GABRB1: variants seen among roughly 807,000 people sequenced by gnomAD.
GABRB1 encodes the protein gamma-aminobutyric acid type A receptor subunit beta1, also known as gamma-aminobutyric acid receptor subunit beta-1.
In GABRB1, 17 loss-of-function variants were observed where a neutral mutation model predicts 51.6. The ratio of observed to expected loss-of-function variants is 0.33; its 90% CI spans 0.23 to 0.49. GABRB1 has a LOEUF of 0.49. GABRB1 is among the 20% of genes least tolerant of loss of function. The probability of loss-of-function intolerance (pLI) is 0.99; values close to 1 mark genes in which losing one functional copy is unlikely to be tolerated. For missense variants in GABRB1, 410 were observed against 600.6 expected (o/e 0.68, Z 3.32); for synonymous variants, 247 against 218.9 (o/e 1.13, Z -1.14).
chr4:47,166,966 T>C (rs1221051815), intron 4 of GABRB1, among the ~76,000 whole-genome samples: 1 of 152,142 alleles, frequency 6.6e-6, no homozygotes, highest in Admixed American at 6.6e-5. Context: ...TCTTACAAAT[T>C]GAAATTCATA....
intron 3 of GABRB1, among the ~76,000 whole-genome samples, chr4:47,156,688 G>A (rs1717717650): frequency 6.6e-6 from 1 of 151,946 alleles, no homozygotes; most frequent in African/African-American, 2.4e-5. Context: ...TTGTTTTGGG[G>A]ACAGGCGCAG....
At chr4:47,377,336 G>C (rs1727418914) in intron 5 of GABRB1, among the ~76,000 whole-genome samples, 1 of 151,886 alleles carries the variant, frequency 6.6e-6, no homozygotes, top group South Asian at 2.1e-4. Flanking sequence ...TGAAGCCGTG[G>C]ACCCTCGCCG....
At chr4:47,040,239 A>G (rs913760581) in intron 3 of GABRB1, among the ~76,000 whole-genome samples, 1 of 152,216 alleles carries the variant, frequency 6.6e-6, no homozygotes, top group South Asian at 2.1e-4. Context: ...CAAAGTGTTT[A>G]AAGGCAACTG....
At chr4:47,183,202 A>C (rs1028468769) in intron 4 of GABRB1, among the ~76,000 whole-genome samples, 1 of 151,494 alleles carries the variant, frequency 6.6e-6, no homozygotes, top group African/African-American at 2.4e-5. Flanking sequence ...TGTGACCCAC[A>C]AGCATTTCAG....
At chr4:47,078,263 G>A (rs1727662693) in intron 3 of GABRB1, among the ~76,000 whole-genome samples, 1 of 151,786 alleles carries the variant, frequency 6.6e-6, no homozygotes, top group Admixed American at 6.6e-5. Flanking sequence ...GGGACTACAG[G>A]CATGAGCCAT....
Position 47,320,629 on chromosome 4 carries a change from C to T in GABRB1, c.544+420C>T, listed in dbSNP as rs150255946. ...GTCTTGTGTGAATAATGTGTCTTTCCTCATGAAAAGAAAAAGATGATAAAT... is the reference window on the plus strand; with the variant it reads ...GTCTTGTGTGAATAATGTGTCTTTCTTCATGAAAAGAAAAAGATGATAAAT... On this transcript the variant is annotated intron_variant, in intron 5 of 8. Coordinates refer to ENST00000295454, the MANE Select transcript of GABRB1 (RefSeq NM_000812.4). Among the ~76,000 whole-genome samples the T allele has an allele frequency of 1.3e-4, 20 of 152,202 alleles. No individual in the cohort carries two copies. The East Asian group carries it at 3.1e-3, about 23-fold the overall frequency.
chr4:47,293,235 G>A (rs923400281), intron 4 of GABRB1, among the ~76,000 whole-genome samples: 4 of 152,018 alleles, frequency 2.6e-5, no homozygotes, highest in Non-Finnish European at 2.9e-5. Context: ...TCCGCCTCCC[G>A]GGTTCAAGTG....
intron 3 of GABRB1, among the ~76,000 whole-genome samples, chr4:47,056,624 G>T (rs1406717203): frequency 6.6e-6 from 1 of 152,076 alleles, no homozygotes; most frequent in African/African-American, 2.4e-5. Flanking sequence ...AAAGACTCAA[G>T]CCTGGGCCTA....
upstream of GABRB1, among the ~76,000 whole-genome samples, chr4:47,026,825 G>T (rs149706992): frequency 1.3e-5 from 2 of 151,922 alleles, no homozygotes; most frequent in Non-Finnish European, 2.9e-5. Flanking sequence ...CTCAGTAGAG[G>T]TTAAAATATA....
At chr4:47,106,831 T>G (rs1248018885) in intron 3 of GABRB1, among the ~76,000 whole-genome samples, 2 of 152,102 alleles carry the variant, frequency 1.3e-5, no homozygotes, top group African/African-American at 4.8e-5. Context: ...CATAACAGTT[T>G]TGTTTGTTTC....
At chr4:47,085,715 T>C (rs931685575) in intron 3 of GABRB1, among the ~76,000 whole-genome samples, 4 of 152,230 alleles carry the variant, frequency 2.6e-5, no homozygotes, top group Non-Finnish European at 5.9e-5. Context: ...TTCTCTGGAT[T>C]GACAATGCTT....
intron 1 of GABRB1, among the ~76,000 whole-genome samples, chr4:47,019,888 A>AATATATG (rs1553909557): frequency 5.4e-4 from 76 of 139,672 alleles, no homozygotes; most frequent in Admixed American, 1.7e-3. Context: ...TATATATATA[A>AATATATG]TATATGTATA....
chr4:47,082,300 T>G (rs1037219124), intron 3 of GABRB1, among the ~76,000 whole-genome samples: 3 of 151,984 alleles, frequency 2.0e-5, no homozygotes, highest in African/African-American at 4.8e-5. Flanking sequence ...AAGATAATTT[T>G]AAAAATGAAT....
chr4:47,351,678 C>T (rs375174929), intron 5 of GABRB1, among the ~76,000 whole-genome samples: 8 of 148,972 alleles, frequency 5.4e-5, no homozygotes, highest in African/African-American at 1.5e-4. Flanking sequence ...TTTGTCCTTG[C>T]GATAGTTTAC....
chr4:47,254,145 C>T (rs1336256329), intron 4 of GABRB1, among the ~76,000 whole-genome samples: 2 of 152,058 alleles, frequency 1.3e-5, no homozygotes. Context: ...CCACTACACA[C>T]AATCAAGAAG....
chr4:47,055,787 C>A (rs1172321389), intron 3 of GABRB1, among the ~76,000 whole-genome samples: 1 of 152,166 alleles, frequency 6.6e-6, no homozygotes, highest in Non-Finnish European at 1.5e-5. Context: ...CTTGCGTGTT[C>A]ATGGTCTTTA....
intron 8 of GABRB1, among the ~76,000 whole-genome samples, chr4:47,425,272 C>T (rs75797838): frequency 1.6e-4 from 25 of 151,818 alleles, no homozygotes; most frequent in East Asian, 1.9e-4. Flanking sequence ...GGAAGCCAAG[C>T]GAGATGTTAA....
intron 5 of GABRB1, among the ~76,000 whole-genome samples, chr4:47,384,216 T>A (rs939589606): frequency 6.6e-6 from 1 of 152,096 alleles, no homozygotes; most frequent in Non-Finnish European, 1.5e-5. Flanking sequence ...CCATATATAA[T>A]CTTTGTTATA....
chr4:47,283,110 C>T (rs1723352460), intron 4 of GABRB1, among the ~76,000 whole-genome samples: 1 of 151,906 alleles, frequency 6.6e-6, no homozygotes, highest in Admixed American at 6.6e-5. Flanking sequence ...ATTGTAACAC[C>T]CTGAACATGT....
Sources: allele counts gnomAD v4.1 joint callset (sites outside exome capture counted in the v4.1 genomes callset), GRCh38; gene constraint gnomAD v4.1.1; transcripts MANE v1.5; gene names NCBI Gene and HGNC (gene_info 2026-07-23, HGNC 2026-07-21).